The following LRP1B variants were observed in gnomAD, a reference collection of about 807,000 sequenced individuals.
LRP1B encodes the protein low-density lipoprotein receptor-related protein 1B.
A neutral mutation model predicts 556.6 loss-of-function variants in LRP1B; 217 were observed. The ratio of observed to expected loss-of-function variants is 0.39; its 90% CI spans 0.35 to 0.44. The LOEUF is 0.44. LRP1B is among the 20% of genes least tolerant of loss of function. LRP1B has a pLI of 1.00. For missense variants in LRP1B, 5,053 were observed against 5,620.8 expected (o/e 0.90, Z 3.23); for synonymous variants, 2,047 against 1,865.8 (o/e 1.10, Z -2.50).
At chr2:141,173,750 GA>G (rs1029853112) in intron 7 of LRP1B, among the ~76,000 whole-genome samples, 2 of 151,612 alleles carry the variant, frequency 1.3e-5, no homozygotes, top group Non-Finnish European at 3.0e-5. Flanking sequence ...CAGAAAAACA[GA>G]AAAAAAATGT....
chr2:140,663,199 C>G (rs1685157782), intron 41 of LRP1B, among the ~76,000 whole-genome samples: 2 of 152,008 alleles, frequency 1.3e-5, no homozygotes, highest in Admixed American at 1.3e-4. Context: ...AAAATGTCCC[C>G]CAAAATTCCT....
At chr2:141,633,782 GCA>G (rs1688997641) in intron 2 of LRP1B, among the ~76,000 whole-genome samples, 1 of 125,082 alleles carries the variant, frequency 8.0e-6, no homozygotes, top group Non-Finnish European at 1.9e-5. Context: ...ATATTCACAT[GCA>G]CACTCAAACT....
intron 11 of LRP1B, among the ~76,000 whole-genome samples, chr2:141,028,416 C>T (rs1698275589): frequency 6.6e-6 from 1 of 151,606 alleles, no homozygotes; most frequent in African/African-American, 2.4e-5. Context: ...TTCAGAAAGA[C>T]TAGGAAAGTG....
chr2:141,218,171 C>T (rs1226132795), intron 6 of LRP1B, among the ~76,000 whole-genome samples: 1 of 152,094 alleles, frequency 6.6e-6, no homozygotes, highest in Non-Finnish European at 1.5e-5. Flanking sequence ...AAAAAGGAAA[C>T]ACACACTGCT....
In LRP1B at chr2:140,485,525, C is replaced by T; in HGVS notation, c.9244-1G>A. 6.2e-7 allele frequency: 1 copy of T among 1,606,210 alleles called. No homozygotes were observed. The highest frequency in any genetic ancestry group is 1.1e-5 in the South Asian group (1 of 89,630). On this transcript the variant is annotated splice_acceptor_variant, in intron 58 of 90. Coordinates refer to ENST00000389484, the MANE Select transcript of LRP1B (RefSeq NM_018557.3). LOFTEE classifies it high-confidence loss of function. ...TGGGGACCGCTGTGTTATGAACTAC[C>T]TACAAAACAAGAATTTAAAAGGTTA...
intron 66 of LRP1B, among the ~76,000 whole-genome samples, chr2:140,388,980 C>A (rs1683890349): frequency 6.6e-6 from 1 of 152,030 alleles, no homozygotes; most frequent in African/African-American, 2.4e-5. Context: ...TAAAACAGAA[C>A]ATATATATTT....
intron 49 of LRP1B, among the ~76,000 whole-genome samples, chr2:140,519,102 A>G (rs989408497): frequency 2.8e-4 from 42 of 152,300 alleles, no homozygotes; most frequent in Middle Eastern, 3.4e-3. Flanking sequence ...CAGAATTGGA[A>G]AAAACTACGT....
intron 67 of LRP1B, among the ~76,000 whole-genome samples, chr2:140,380,389 T>C (rs947309723): frequency 3.3e-5 from 5 of 152,312 alleles, no homozygotes; most frequent in African/African-American, 1.2e-4. Flanking sequence ...GCAATATCTA[T>C]TTTATTAATA....
intron 27 of LRP1B, among the ~76,000 whole-genome samples, chr2:140,853,091 A>C (rs1375099105): frequency 6.6e-6 from 1 of 151,968 alleles, no homozygotes; most frequent in East Asian, 1.9e-4. Context: ...AAAATGACAG[A>C]AGCAGGAAGG....
At chr2:142,093,404 C>T (rs890850056) in intron 1 of LRP1B, among the ~76,000 whole-genome samples, 5 of 152,072 alleles carry the variant, frequency 3.3e-5, no homozygotes, top group African/African-American at 9.7e-5. Context: ...TTTGATTTAA[C>T]ACTTGGGGTG....
intron 1 of LRP1B, among the ~76,000 whole-genome samples, chr2:141,902,517 T>C (rs1699649250): frequency 6.6e-6 from 1 of 151,974 alleles, no homozygotes; most frequent in African/African-American, 2.4e-5. Context: ...AATCTTCAAG[T>C]GGTCACAGAG....
At position 141,542,774 on chromosome 2, in the gene LRP1B, C is replaced by G. The variant is rs570760591; in HGVS notation, c.206-62241G>C. On this transcript the variant is annotated intron_variant, in intron 2 of 90. Coordinates refer to ENST00000389484, the MANE Select transcript of LRP1B (RefSeq NM_018557.3). ...TTTAAGGTAGGCAAGTGTGGATGAC[C>G]TTTTTTTCTATTCCTTCCTACTAAT... Among the ~76,000 whole-genome samples, 3 of 152,168 alleles carry G rather than the reference C, an allele frequency of 2.0e-5. No homozygotes were observed. In the East Asian group the frequency reaches 5.8e-4, roughly 29 times the overall value.
At chr2:141,537,994 T>C (rs1258220974) in intron 2 of LRP1B, among the ~76,000 whole-genome samples, 2 of 152,210 alleles carry the variant, frequency 1.3e-5, no homozygotes, top group African/African-American at 2.4e-5. Flanking sequence ...CCGAACATTG[T>C]ATCCTGGGTC....
chr2:140,812,369 TAAAAC>T (rs1018820585), intron 32 of LRP1B, among the ~76,000 whole-genome samples: 2 of 151,958 alleles, frequency 1.3e-5, no homozygotes, highest in Non-Finnish European at 2.9e-5. Context: ...TAAGGTTTGT[TAAAAC>T]AATCTCTTTC....
intron 3 of LRP1B, among the ~76,000 whole-genome samples, chr2:141,333,742 C>T (rs1687744538): frequency 6.6e-6 from 1 of 152,154 alleles, no homozygotes; most frequent in Non-Finnish European, 1.5e-5. Flanking sequence ...TCTTCTGAGT[C>T]CAACTGTAGC....
At chr2:140,814,006 A>C (rs1455939754) in intron 31 of LRP1B, among the ~76,000 whole-genome samples, 200 bp from the exon 32 acceptor site, 1 of 152,054 alleles carries the variant, frequency 6.6e-6, no homozygotes, top group Non-Finnish European at 1.5e-5. Context: ...ACAGGGTCTC[A>C]CTCTGTCATT....
intron 66 of LRP1B, among the ~76,000 whole-genome samples, chr2:140,425,337 T>C (rs1685608977): frequency 6.6e-6 from 1 of 152,164 alleles, no homozygotes; most frequent in Non-Finnish European, 1.5e-5. Context: ...GGAAGCTGTA[T>C]TGAGTAATGG....
intron 41 of LRP1B, among the ~76,000 whole-genome samples, chr2:140,695,719 T>C (rs1686407478): frequency 6.6e-6 from 1 of 152,174 alleles, no homozygotes; most frequent in Non-Finnish European, 1.5e-5. Context: ...ACCAGGTATC[T>C]TGATTCTTCA....
At chr2:140,569,237 T>C (rs1681235813) in intron 43 of LRP1B, among the ~76,000 whole-genome samples, 1 of 151,808 alleles carries the variant, frequency 6.6e-6, no homozygotes, top group Admixed American at 6.6e-5. Context: ...CGAATGAAAA[T>C]GATTAAATTC....
Sources: allele counts gnomAD v4.1 joint callset (sites outside exome capture counted in the v4.1 genomes callset), GRCh38; gene constraint gnomAD v4.1.1; transcripts MANE v1.5; gene names NCBI Gene and HGNC (gene_info 2026-07-23, HGNC 2026-07-21).